The following TOM1L2 variants were observed in gnomAD, a reference collection of about 807,000 sequenced individuals.
The protein encoded by TOM1L2 is target of myb1 like 2 membrane trafficking protein.
A neutral mutation model predicts 67.9 loss-of-function variants in TOM1L2; 31 were observed. The ratio of observed to expected loss-of-function variants is 0.46; its 90% CI spans 0.34 to 0.62. The LOEUF (loss-of-function observed/expected upper bound fraction) is 0.62, where lower values mean the gene tolerates loss of function less well. Ranked by LOEUF, TOM1L2 falls within the 20% of genes least tolerant of loss-of-function variation. The probability of loss-of-function intolerance (pLI) is 0.01; values close to 1 mark genes in which losing one functional copy is unlikely to be tolerated. For missense variants in TOM1L2, 606 were observed against 663.5 expected (o/e 0.91, Z 0.95); for synonymous variants, 256 against 254.0 (o/e 1.01, Z -0.07).
At chr17:17,960,407 C>T (rs1291268553) in intron 1 of TOM1L2, among the ~76,000 whole-genome samples, 1 of 152,152 alleles carries the variant, frequency 6.6e-6, no homozygotes, top group Non-Finnish European at 1.5e-5. Flanking sequence ...AATCTCAGCT[C>T]ACAGCAACCT....
chr17:17,877,587 C>T (rs1031608785), intron 7 of TOM1L2, among the ~76,000 whole-genome samples: 9 of 152,166 alleles, frequency 5.9e-5, no homozygotes, highest in African/African-American at 1.2e-4. Context: ...GGGAAGATGT[C>T]GGCAATGGCG....
rs985241595 is a variant in TOM1L2, at chr17:17,846,106, A to C, written c.*1529T>G. 1 of 152,244 alleles carries C rather than the reference A, an allele frequency of 6.6e-6. No homozygotes were observed. Among genetic ancestry groups the C allele is most frequent in the Non-Finnish European group, 1.5e-5 (1 of 68,088 alleles). 9.4% of individuals were successfully genotyped at this position (152,244 alleles called of 1,614,324 possible). A position where few individuals can be genotyped will look rare whatever the true frequency, so the allele number is the denominator to read the frequency against. ...ACCCCCAGCTGAAGTCGCCATCCTG[A>C]ATGCTCCCCAACGACCATGTCGCTG... On this transcript the variant is annotated 3_prime_UTR_variant, in exon 15 of 15. Coordinates refer to ENST00000379504, the MANE Select transcript of TOM1L2 (RefSeq NM_001082968.2).
chr17:17,857,504 A>G (rs1175322480), intron 12 of TOM1L2, among the ~76,000 whole-genome samples: 1 of 152,170 alleles, frequency 6.6e-6, no homozygotes, highest in Non-Finnish European at 1.5e-5. Flanking sequence ...AAAAGGAAGG[A>G]AAGGACCCTC....
rs142623965 is a variant in TOM1L2 at position 17,907,740 on chromosome 17, C to A, written c.53-209G>T. On this transcript the variant is annotated intron_variant, in intron 1 of 14. Transcript: ENST00000379504. The stretch of plus-strand genomic sequence containing the variant: ...ATGTTATAACGAGGTTCTTCATTCA[C>A]CAAACTCTAGACTGAAAAGCTTATG... Among the ~76,000 whole-genome samples the A allele has an allele frequency of 8.5e-4, 130 of 152,242 alleles. 1 individual carries two copies. The East Asian group carries it at 0.022, about 26-fold the overall frequency.
chr17:17,915,728 C>G (rs571457447), intron 1 of TOM1L2, among the ~76,000 whole-genome samples: 1 of 152,222 alleles, frequency 6.6e-6, no homozygotes, highest in East Asian at 1.9e-4. Context: ...TGCTATGTTA[C>G]CCAGGCTGAT....
chr17:17,917,665 A>C (rs1240539258), intron 1 of TOM1L2, among the ~76,000 whole-genome samples: 1 of 120,576 alleles, frequency 8.3e-6, no homozygotes, highest in Non-Finnish European at 1.6e-5. Context: ...GTCATCTTAA[A>C]AATATTAGCT....
intron 1 of TOM1L2, among the ~76,000 whole-genome samples, chr17:17,937,509 G>T (rs11078406): frequency 0.45 from 68,003 of 151,994 alleles, 16,081 homozygotes; most frequent in East Asian, 0.86. Flanking sequence ...TGAACCAGAT[G>T]AAACAAAGGT....
intron 1 of TOM1L2, among the ~76,000 whole-genome samples, chr17:17,946,168 G>A (rs958015286): frequency 1.3e-5 from 2 of 151,976 alleles, no homozygotes; most frequent in African/African-American, 2.4e-5. Context: ...ATAAACCACC[G>A]CACCCTGCCG....
intron 3 of TOM1L2, 129 bp from the exon 4 acceptor site, chr17:17,893,939 C>T (rs1162702547): frequency 1.0e-5 from 9 of 877,300 alleles, no homozygotes; most frequent in Non-Finnish European, 1.6e-5. Flanking sequence ...TGACACGTCT[C>T]CTCCAGAGCC....
At chr17:17,944,233 G>A (rs907601945) in intron 1 of TOM1L2, among the ~76,000 whole-genome samples, 1 of 152,254 alleles carries the variant, frequency 6.6e-6, no homozygotes, top group Non-Finnish European at 1.5e-5. Flanking sequence ...GCCGTGAGAG[G>A]CTGCCTGGTG....
chr17:17,859,504 GACAC>G (rs1343492101), intron 12 of TOM1L2: 1 of 152,276 alleles, frequency 6.6e-6, no homozygotes, highest in Non-Finnish European at 1.5e-5. Flanking sequence ...GACACACACA[GACAC>G]ACACAGCCCA....
chr17:17,880,514 C>T (rs1045717648), intron 6 of TOM1L2, among the ~76,000 whole-genome samples: 19 of 152,218 alleles, frequency 1.2e-4, no homozygotes, highest in Admixed American at 2.6e-4. Context: ...GAAGGATCTG[C>T]AGAAACCACA....
rs1234612618 is a variant in TOM1L2, at chr17:17,964,663, CGGGAGGA to C, written c.52+7592_52+7598del. ...ATCCCAGCACTTTGGGAGGCTGAAG[CGGGAGGA>C]TCACTTGAGCCCAGTAGGTTGAGGC... On this transcript the variant is annotated intron_variant, in intron 1 of 14. Transcript: ENST00000379504. Among the ~76,000 whole-genome samples the C allele has an allele frequency of 2.0e-5, 3 of 152,090 alleles. No homozygotes were observed. In the South Asian group the frequency reaches 6.2e-4, roughly 32 times the overall value.
At chr17:17,852,834 C>T (rs2143543654) in intron 12 of TOM1L2, among the ~76,000 whole-genome samples, 1 of 145,668 alleles carries the variant, frequency 6.9e-6, no homozygotes, top group Admixed American at 6.9e-5. Flanking sequence ...CATTGCACTC[C>T]ACCCTGGGCA....
chr17:17,862,942 G>GT, intron 10 of TOM1L2, 94 bp from the exon 11 acceptor site: 11 of 282,784 alleles, frequency 3.9e-5, no homozygotes, highest in South Asian at 1.9e-4. Context: ...AGCCAGGTGG[G>GT]TTTAGGTTCC....
At chr17:17,966,853 C>G (rs939967262) in intron 1 of TOM1L2, among the ~76,000 whole-genome samples, 2 of 152,210 alleles carry the variant, frequency 1.3e-5, no homozygotes, top group African/African-American at 4.8e-5. Context: ...CAGTTATCTT[C>G]CTGTATATCT....
At chr17:17,849,454 G>A (rs1265989207) in intron 13 of TOM1L2, among the ~76,000 whole-genome samples, 2 of 152,250 alleles carry the variant, frequency 1.3e-5, no homozygotes, top group African/African-American at 2.4e-5. Context: ...GCAGCCTCCT[G>A]GGAGCTGCAC....
At chr17:17,885,667 G>GTAA (rs961787730) in intron 4 of TOM1L2, among the ~76,000 whole-genome samples, 2 of 152,136 alleles carry the variant, frequency 1.3e-5, no homozygotes, top group Non-Finnish European at 2.9e-5. Context: ...GCTCATGCCT[G>GTAA]TAATCCCAGC....
intron 7 of TOM1L2, among the ~76,000 whole-genome samples, chr17:17,875,242 C>T (rs926050501): frequency 2.7e-5 from 4 of 145,574 alleles, no homozygotes; most frequent in East Asian, 4.0e-4. Flanking sequence ...GGTGACAAAG[C>T]GAGACTCCTT....
Sources: allele counts gnomAD v4.1 joint callset (sites outside exome capture counted in the v4.1 genomes callset), GRCh38; gene constraint gnomAD v4.1.1; transcripts MANE v1.5; gene names NCBI Gene and HGNC (gene_info 2026-07-23, HGNC 2026-07-21).